Variants in HADH observed in about 807,000 individuals in gnomAD.
HADH encodes hydroxyacyl-coenzyme A dehydrogenase, mitochondrial.
A neutral mutation model predicts 32.2 loss-of-function variants in HADH; 24 were observed. That is an observed-to-expected ratio of 0.75 (90% CI 0.54 to 1.05). HADH has a LOEUF of 1.05. HADH is among the 50% of genes least tolerant of loss of function. The pLI, the probability that HADH is intolerant of heterozygous loss-of-function variation, is 0.00. For missense variants in HADH, 350 were observed against 397.1 expected (o/e 0.88, Z 1.01); for synonymous variants, 139 against 152.5 (o/e 0.91, Z 0.65).
At chr4:108,004,880 G>A in intron 1 of HADH, 2 of 1,536,000 alleles carry the variant, frequency 1.3e-6, no homozygotes, top group Non-Finnish European at 1.7e-6. Context: ...GCTGAGCTTG[G>A]AGGCTGGAAG....
intron 1 of HADH, among the ~76,000 whole-genome samples, chr4:107,992,401 A>C (rs1287577241): frequency 2.6e-5 from 4 of 152,242 alleles, no homozygotes; most frequent in Admixed American, 2.0e-4. Context: ...GCAGTGGTTT[A>C]GCTTATCTGC....
rs574138593 is a variant in HADH, at chr4:107,990,157, G to C, written c.132+93G>C. 2.6e-5 allele frequency: 35 copies of C among 1,327,346 alleles called. No homozygotes were observed. The African/African-American group carries it at 4.5e-4, about 17-fold the overall frequency. The allele number at this position is 1,327,346 out of a possible 1,614,324, so 82.2% of individuals were successfully genotyped here. On this transcript the variant is annotated intron_variant, in intron 1 of 7. Coordinates refer to ENST00000309522, the MANE Select transcript of HADH (RefSeq NM_005327.7). ...GACCGGCCGCGAGGGGCCTGCACCC[G>C]CCCGACACCAGGGAGTTTTCACCCC...
At chr4:108,024,124 T>C (rs1037929963) in intron 5 of HADH, 2 of 153,668 alleles carry the variant, frequency 1.3e-5, no homozygotes, top group African/African-American at 4.8e-5. Flanking sequence ...CATCTTTTTT[T>C]TCCCCTTTCT....
intron 5 of HADH, chr4:108,025,853 C>G (rs1736049953): frequency 6.6e-6 from 1 of 152,120 alleles, no homozygotes; most frequent in Non-Finnish European, 1.5e-5. Context: ...GCACTCCAGC[C>G]TGGGCAACAG....
intron 3 of HADH, among the ~76,000 whole-genome samples, chr4:108,015,579 C>G (rs570457890): frequency 6.6e-6 from 1 of 152,144 alleles, no homozygotes; most frequent in East Asian, 1.9e-4. Flanking sequence ...TCTCCTACCC[C>G]ACAGCTATTT....
chr4:108,015,115 A>G (rs1735649756), intron 3 of HADH, among the ~76,000 whole-genome samples: 1 of 152,232 alleles, frequency 6.6e-6, no homozygotes, highest in Non-Finnish European at 1.5e-5. Flanking sequence ...TCTTTTTGAT[A>G]GAATGAGTTT....
In HADH at chr4:108,023,514, C is replaced by A; in HGVS notation, c.587C>A (p.Ser196Tyr). The change falls in exon 5 of 8, where the codon TCT (serine) becomes TAT (tyrosine). Residue 196 changes from serine to tyrosine, a missense_variant. Physicochemically the swap from Ser to Tyr is moderately radical, Grantham distance 144 (BLOSUM62 -2). Transcript: ENST00000309522. ...ATGACCAGCCAGAAGACATTTGAAT[C>A]TTTGGTAGACTTTAGCAAAGCCCTA... The part of the protein sequence containing the change: ...TPMTSQKTFE[S>Y]LVDFSKALGK... 6.2e-7 allele frequency: 1 copy of A among 1,612,276 alleles called. No homozygotes were observed. The highest frequency in any genetic ancestry group is 8.5e-7 in the Non-Finnish European group (1 of 1,178,314).
chr4:108,000,434 G>A (rs1469352739), intron 1 of HADH, among the ~76,000 whole-genome samples: 2 of 152,160 alleles, frequency 1.3e-5, no homozygotes, highest in African/African-American at 2.4e-5. Flanking sequence ...AAATCGGTGA[G>A]ATTCTTATGA....
chr4:108,013,674 GCT>G (rs1367842080), intron 2 of HADH, among the ~76,000 whole-genome samples: 3 of 152,040 alleles, frequency 2.0e-5, no homozygotes, highest in Admixed American at 2.0e-4. Flanking sequence ...ATAGAAATGT[GCT>G]CTGAGTGTAA....
rs111381695 is a variant in HADH, at chr4:108,013,108, T to G, written c.262-1323T>G. ...CTACCACGCCCAGCAAATTTTTGTA[T>G]TTTTAGTGGAGACGGGGTTTCACCA... On this transcript the variant is annotated intron_variant, in intron 2 of 7. Coordinates refer to ENST00000309522, the MANE Select transcript of HADH (RefSeq NM_005327.7). 2.8e-3 allele frequency among the ~76,000 whole-genome samples: 430 copies of G among 152,346 alleles called. 2 individuals are homozygous for G. The highest frequency in any genetic ancestry group is 0.01 in the African/African-American group (417 of 41,584).
At chr4:107,994,840 A>G (rs1202902517) in intron 1 of HADH, among the ~76,000 whole-genome samples, 2 of 151,968 alleles carry the variant, frequency 1.3e-5, no homozygotes, top group Non-Finnish European at 2.9e-5. Context: ...TAGTTATTGG[A>G]CTCTGGGTGA....
intron 2 of HADH, among the ~76,000 whole-genome samples, chr4:108,013,381 T>G (rs565125964): frequency 6.6e-6 from 1 of 152,128 alleles, no homozygotes; most frequent in Non-Finnish European, 1.5e-5. Flanking sequence ...ATTTTCTGCT[T>G]GTTTACAGAC....
At chr4:108,016,927 G>A (rs1735712072) in intron 3 of HADH, among the ~76,000 whole-genome samples, 1 of 152,190 alleles carries the variant, frequency 6.6e-6, no homozygotes, top group Non-Finnish European at 1.5e-5. Context: ...CTGAGTGCCT[G>A]CTGTGTATCA....
chr4:108,025,484 A>G (rs1420456620), intron 5 of HADH: 3 of 152,224 alleles, frequency 2.0e-5, no homozygotes, highest in Non-Finnish European at 4.4e-5. Flanking sequence ...ATATTTTTAA[A>G]GTATTTAGAA....
At chr4:108,003,105 CTTTTT>C (rs11390276) in intron 1 of HADH, among the ~76,000 whole-genome samples, 11 of 124,214 alleles carry the variant, frequency 8.9e-5, no homozygotes, top group Admixed American at 5.8e-4. Context: ...GTGTCTTAGT[CTTTTT>C]TTTTTTTTTT....
chr4:108,018,743 C>T (rs1295651957), intron 3 of HADH, among the ~76,000 whole-genome samples: 1 of 152,142 alleles, frequency 6.6e-6, no homozygotes, highest in African/African-American at 2.4e-5. Flanking sequence ...GGAATCAGCA[C>T]CAGGCCTGTT....
intron 1 of HADH, among the ~76,000 whole-genome samples, chr4:107,990,969 T>C (rs1249750329): frequency 2.6e-5 from 4 of 152,134 alleles, no homozygotes; most frequent in Non-Finnish European, 5.9e-5. Flanking sequence ...CTCGAACTCC[T>C]GACCAAAGGT....
At chr4:108,023,169 T>A (rs1394690884) in intron 4 of HADH, among the ~76,000 whole-genome samples, 2 of 152,112 alleles carry the variant, frequency 1.3e-5, no homozygotes, top group African/African-American at 4.8e-5. Flanking sequence ...AATTTTTGTA[T>A]TTTTAGTAGA....
At chr4:108,019,788 G>A (rs980670942) in intron 4 of HADH, 122 bp downstream of exon 4, 2 of 1,112,680 alleles carry the variant, frequency 1.8e-6, no homozygotes, top group Admixed American at 3.4e-5. Context: ...AGGGTAGAAG[G>A]TTGTCCCTGA....
Sources: allele counts gnomAD v4.1 joint callset (sites outside exome capture counted in the v4.1 genomes callset), GRCh38; gene constraint gnomAD v4.1.1; transcripts MANE v1.5; gene names NCBI Gene and HGNC (gene_info 2026-07-23, HGNC 2026-07-21).